The following NAALADL2 variants were observed in gnomAD, a reference collection of about 807,000 sequenced individuals.
NAALADL2 encodes the protein inactive N-acetylated-alpha-linked acidic dipeptidase-like protein 2.
NAALADL2 carries 76 observed loss-of-function variants against 87.2 expected under a neutral mutation model. That is an observed-to-expected ratio of 0.87 (90% confidence interval 0.72 to 1.05). The LOEUF (loss-of-function observed/expected upper bound fraction) is 1.05. Among genes scored for constraint, NAALADL2 ranks in the 50% least tolerant of loss-of-function variants. The pLI, the probability that NAALADL2 is intolerant of heterozygous loss-of-function variation, is 0.00. For missense variants in NAALADL2, 1,089 were observed against 945.8 expected, an observed-to-expected ratio of 1.15 and a Z score of -1.99; for synonymous variants, 354 against 331.0, an observed-to-expected ratio of 1.07 and a Z score of -0.75.
At chr3:175,329,147 T>G (rs1352040285) in intron 5 of NAALADL2, among the ~76,000 whole-genome samples, 2 of 152,216 alleles carry the variant, frequency 1.3e-5, no homozygotes, top group African/African-American at 4.8e-5. Flanking sequence ...AGACTTGAAT[T>G]TCCTTATGTA....
At chr3:175,198,919 T>C (rs1739397019) in intron 2 of NAALADL2, among the ~76,000 whole-genome samples, 1 of 152,098 alleles carries the variant, frequency 6.6e-6, no homozygotes, top group East Asian at 1.9e-4. Flanking sequence ...TTCATGCACC[T>C]CAAAAACAGG....
In NAALADL2 at chr3:174,750,359, A is replaced by G. The variant is rs76657919; in HGVS notation, c.-9+12613A>G. The stretch of plus-strand genomic sequence containing the variant: ...TATGGCTTCCCAGTTTTTGTGCACC[A>G]TGGATCTTGGCTTTATTCTCTTGAA... On this transcript the variant is annotated intron_variant, in intron 3 of 3. Coordinates refer to the NAALADL2 transcript ENST00000434257. 3.3e-5 allele frequency among the ~76,000 whole-genome samples: 5 copies of G among 152,278 alleles called. No homozygotes were observed. In the East Asian group the frequency reaches 7.7e-4, roughly 23 times the overall value.
At chr3:174,579,810 T>G (rs187193584) in intron 2 of NAALADL2, among the ~76,000 whole-genome samples, 1 of 152,178 alleles carries the variant, frequency 6.6e-6, no homozygotes, top group Non-Finnish European at 1.5e-5. Context: ...GGGATACATG[T>G]ATGACTATTT....
intron 6 of NAALADL2, among the ~76,000 whole-genome samples, chr3:175,449,128 G>C (rs1268484771): frequency 2.0e-5 from 3 of 151,936 alleles, no homozygotes; most frequent in Non-Finnish European, 4.4e-5. Context: ...GCCCAGGCTG[G>C]AGTGCAGTGG....
chr3:175,500,879 A>G (rs908663313), intron 9 of NAALADL2, among the ~76,000 whole-genome samples: 43 of 152,252 alleles, frequency 2.8e-4, no homozygotes, highest in African/African-American at 1.0e-3. Flanking sequence ...TTGAAAAATA[A>G]TTCTCTACAC....
chr3:174,717,017 G>A (rs966443566), intron 2 of NAALADL2, among the ~76,000 whole-genome samples: 4 of 151,956 alleles, frequency 2.6e-5, no homozygotes, highest in Non-Finnish European at 5.9e-5. Context: ...ACCTTGTTTT[G>A]TATAGAAACA....
At chr3:175,645,010 T>A (rs1451803128) in intron 11 of NAALADL2, among the ~76,000 whole-genome samples, 1 of 152,142 alleles carries the variant, frequency 6.6e-6, no homozygotes, top group African/African-American at 2.4e-5. Context: ...TCCTTATAAG[T>A]CATCCATTAA....
chr3:175,708,765 G>A (rs557775795), intron 11 of NAALADL2, among the ~76,000 whole-genome samples: 8 of 151,460 alleles, frequency 5.3e-5, no homozygotes, highest in Non-Finnish European at 1.2e-4. Flanking sequence ...GTGAGTTTAT[G>A]GCTCTCTAAA....
At chr3:175,504,211 T>A (rs1293578463) in intron 9 of NAALADL2, among the ~76,000 whole-genome samples, 1 of 152,216 alleles carries the variant, frequency 6.6e-6, no homozygotes, top group Non-Finnish European at 1.5e-5. Flanking sequence ...GTTGAGTTTG[T>A]CAAAGAGGAC....
At chr3:175,721,809 A>G (rs1264429051) in intron 11 of NAALADL2, among the ~76,000 whole-genome samples, 1 of 152,086 alleles carries the variant, frequency 6.6e-6, no homozygotes, top group African/African-American at 2.4e-5. Flanking sequence ...CTTCCTAGAC[A>G]TGGTGAGTGC....
At chr3:175,410,284 A>G (rs1288117165) in intron 5 of NAALADL2, among the ~76,000 whole-genome samples, 1 of 152,162 alleles carries the variant, frequency 6.6e-6, no homozygotes, top group Admixed American at 6.6e-5. Context: ...TTTTGAAACT[A>G]TGTACATACA....
At chr3:174,830,732 C>A (rs113686423) in intron 3 of NAALADL2, among the ~76,000 whole-genome samples, 19 of 152,062 alleles carry the variant, frequency 1.2e-4, no homozygotes, top group African/African-American at 3.9e-4. Context: ...ATTCTTCCTA[C>A]CCATGAGCAT....
chr3:174,874,754 C>T (rs1037295179), intron 1 of NAALADL2, among the ~76,000 whole-genome samples: 1 of 152,010 alleles, frequency 6.6e-6, no homozygotes, highest in Non-Finnish European at 1.5e-5. Flanking sequence ...ATGAAATACA[C>T]ATGTGTCTTG....
At chr3:175,552,896 G>T (rs1398198429) in intron 9 of NAALADL2, among the ~76,000 whole-genome samples, 1 of 151,970 alleles carries the variant, frequency 6.6e-6, no homozygotes, top group Non-Finnish European at 1.5e-5. Flanking sequence ...AATTTTAAGT[G>T]ATTATATTTT....
intron 6 of NAALADL2, among the ~76,000 whole-genome samples, chr3:175,450,456 T>A (rs915709696): frequency 2.0e-5 from 3 of 152,252 alleles, no homozygotes; most frequent in Non-Finnish European, 4.4e-5. Flanking sequence ...ATCCACTAAT[T>A]ATTTATCTTA....
chr3:174,997,579 C>G (rs1039569557), intron 1 of NAALADL2, among the ~76,000 whole-genome samples: 2 of 152,126 alleles, frequency 1.3e-5, no homozygotes, highest in African/African-American at 4.8e-5. Context: ...AATCCTAGCA[C>G]TTTGGGAGGC....
At chr3:174,655,448 G>A (rs370284560) in intron 2 of NAALADL2, among the ~76,000 whole-genome samples, 1 of 150,724 alleles carries the variant, frequency 6.6e-6, no homozygotes, top group Admixed American at 6.6e-5. Context: ...AGCCACCACC[G>A]TAAACTAGAT....
chr3:174,510,554 A>G (rs1418173329), intron 1 of NAALADL2, among the ~76,000 whole-genome samples: 6 of 151,926 alleles, frequency 3.9e-5, no homozygotes, highest in Admixed American at 3.3e-4. Flanking sequence ...CTTTTGATGC[A>G]TGTATAATCT....
chr3:174,660,741 A>G (rs1489521993), intron 2 of NAALADL2, among the ~76,000 whole-genome samples: 1 of 152,002 alleles, frequency 6.6e-6, no homozygotes, highest in Non-Finnish European at 1.5e-5. Flanking sequence ...TTTTTAATAA[A>G]CAAAAAGAAC....
Sources: allele counts gnomAD v4.1 joint callset (sites outside exome capture counted in the v4.1 genomes callset), GRCh38; gene constraint gnomAD v4.1.1; transcripts MANE v1.5; gene names NCBI Gene and HGNC (gene_info 2026-07-23, HGNC 2026-07-21).